ANAPC10: variants seen among roughly 807,000 people sequenced by gnomAD.
ANAPC10 encodes anaphase-promoting complex subunit 10.
In ANAPC10, 12 loss-of-function variants were observed where a neutral mutation model predicts 22.0. That is an observed-to-expected ratio of 0.55 (90% CI 0.35 to 0.88). The LOEUF (loss-of-function observed/expected upper bound fraction) is 0.88, where lower values mean the gene tolerates loss of function less well. Among genes scored for constraint, ANAPC10 ranks in the 40% least tolerant of loss-of-function variants. The pLI, the probability that ANAPC10 is intolerant of heterozygous loss-of-function variation, is 0.01. For synonymous variants in ANAPC10, 65 were observed against 69.5 expected, an observed-to-expected ratio of 0.94 and a Z score of 0.32; for missense variants, 188 against 220.9, an observed-to-expected ratio of 0.85 and a Z score of 0.94.
chr4:145,058,951 A>C (rs1742474043), intron 4 of ANAPC10, among the ~76,000 whole-genome samples: 2 of 152,302 alleles, frequency 1.3e-5, no homozygotes, highest in Non-Finnish European at 2.9e-5. Context: ...ATGACTTCAA[A>C]GATGAACTAA....
chr4:145,026,945 A>ATATT (rs1287102797), intron 4 of ANAPC10, among the ~76,000 whole-genome samples: 1 of 17,138 alleles, frequency 5.8e-5, no homozygotes, highest in Non-Finnish European at 1.2e-4. Context: ...ATATATATAT[A>ATATT]TGTGTGTGTG....
chr4:145,012,006 C>T (rs1423641227), intron 4 of ANAPC10, among the ~76,000 whole-genome samples: 1 of 152,066 alleles, frequency 6.6e-6, no homozygotes, highest in Non-Finnish European at 1.5e-5. Flanking sequence ...GCAGCTTCCA[C>T]TGCAAAGCAG....
intron 4 of ANAPC10, among the ~76,000 whole-genome samples, chr4:144,998,290 A>ACC (rs1457836488): frequency 6.6e-6 from 1 of 152,216 alleles, no homozygotes; most frequent in African/African-American, 2.4e-5. Flanking sequence ...ACTTATCAGC[A>ACC]CCACATTGCA....
intron 4 of ANAPC10, among the ~76,000 whole-genome samples, chr4:145,016,505 T>C (rs1735166876): frequency 1.3e-5 from 2 of 152,234 alleles, no homozygotes; most frequent in African/African-American, 2.4e-5. Context: ...TCCATGCTCA[T>C]GGATAGGAAG....
rs1746973057 is a variant in ANAPC10 at position 145,086,839 on chromosome 4, G to A, written c.116-5089C>T. 6.0e-5 allele frequency among the ~76,000 whole-genome samples: 9 copies of A among 149,788 alleles called. No homozygotes were observed. The South Asian group carries it at 1.9e-3, about 31-fold the overall frequency. On this transcript the variant is annotated intron_variant, in intron 2 of 4. Coordinates refer to ENST00000507656, the MANE Select transcript of ANAPC10 (RefSeq NM_001256706.2). ...AGACTTTGTACCCTGGAGGGTAAAA[G>A]CATCCCCTGGTGAGAGCAACTGCCC... is the stretch of plus-strand genomic sequence containing the variant.
At chr4:145,016,741 C>A (rs1037870167) in intron 4 of ANAPC10, among the ~76,000 whole-genome samples, 19 of 152,168 alleles carry the variant, frequency 1.2e-4, no homozygotes, top group Admixed American at 6.5e-5. Flanking sequence ...CTACAGTAAC[C>A]AAAACAGCAT....
rs113689078 is a variant in ANAPC10 at position 145,082,243 on chromosome 4, G to A, written c.116-493C>T. Among the ~76,000 whole-genome samples the A allele has an allele frequency of 6.6e-4, 101 of 152,282 alleles. 3 individuals carry two copies. In the Middle Eastern group the frequency reaches 0.014, roughly 21 times the overall value. ...CGGCTCATTGCAACCTCCGCCTCCC[G>A]GATTCAAGCGATTCTCCTGCCTCAG... On this transcript the variant is annotated intron_variant, in intron 2 of 4. Coordinates refer to ENST00000507656, the MANE Select transcript of ANAPC10 (RefSeq NM_001256706.2).
chr4:145,046,735 C>T (rs1740361985), intron 4 of ANAPC10, among the ~76,000 whole-genome samples: 1 of 152,030 alleles, frequency 6.6e-6, no homozygotes, highest in East Asian at 1.9e-4. Context: ...ATAGGTTGTT[C>T]TCTCTGTCCA....
intron 4 of ANAPC10, among the ~76,000 whole-genome samples, chr4:145,039,593 T>A (rs770524321): frequency 1.3e-5 from 2 of 151,920 alleles, no homozygotes; most frequent in Non-Finnish European, 2.9e-5. Context: ...CCCTATGAGG[T>A]ATACTCTTTT....
At chr4:145,033,434 C>G (rs1481768131) in intron 4 of ANAPC10, 2 of 152,252 alleles carry the variant, frequency 1.3e-5, no homozygotes, top group South Asian at 2.1e-4. Flanking sequence ...ACACTTTGGG[C>G]TCCTCTTACC....
At chr4:145,068,844 AGGTT>A (rs1425728304) in intron 3 of ANAPC10, among the ~76,000 whole-genome samples, 1 of 152,178 alleles carries the variant, frequency 6.6e-6, no homozygotes, top group Non-Finnish European at 1.5e-5. Flanking sequence ...CAGGAGGTGG[AGGTT>A]GCTGTGAGCC....
chr4:145,029,143 G>A (rs540620172), intron 4 of ANAPC10, among the ~76,000 whole-genome samples: 1 of 152,226 alleles, frequency 6.6e-6, no homozygotes, highest in South Asian at 2.1e-4. Context: ...TGATGAAGCT[G>A]GGGACACTGA....
At chr4:145,093,445 A>T (rs540205161) in intron 2 of ANAPC10, among the ~76,000 whole-genome samples, 148 of 152,230 alleles carry the variant, frequency 9.7e-4, no homozygotes, top group African/African-American at 3.3e-3. Context: ...CACTCAATAA[A>T]AAAAAAAGAC....
intron 3 of ANAPC10, among the ~76,000 whole-genome samples, chr4:145,080,776 G>A (rs1173433403): frequency 2.6e-5 from 4 of 151,760 alleles, no homozygotes; most frequent in African/African-American, 9.7e-5. Flanking sequence ...GCGTGGTGGC[G>A]CATGCCTGTA....
intron 4 of ANAPC10, among the ~76,000 whole-genome samples, chr4:145,033,608 A>T (rs1282664852): frequency 6.6e-6 from 1 of 152,224 alleles, no homozygotes; most frequent in Non-Finnish European, 1.5e-5. Flanking sequence ...ATGCCCTGTG[A>T]TTAAGGTCAA....
chr4:145,091,186 A>G (rs893318269), intron 2 of ANAPC10, among the ~76,000 whole-genome samples: 6 of 152,154 alleles, frequency 3.9e-5, no homozygotes, highest in African/African-American at 1.4e-4. Flanking sequence ...GTAACTATTG[A>G]TCTCTTCTGC....
At chr4:145,023,872 T>C (rs368583128) in intron 4 of ANAPC10, among the ~76,000 whole-genome samples, 1 of 152,176 alleles carries the variant, frequency 6.6e-6, no homozygotes, top group Admixed American at 6.6e-5. Flanking sequence ...CTTCCTTTCA[T>C]GGAAAATTCA....
intron 4 of ANAPC10, among the ~76,000 whole-genome samples, chr4:145,033,985 G>A (rs1738033572): frequency 6.6e-6 from 1 of 152,156 alleles, no homozygotes; most frequent in Admixed American, 6.5e-5. Context: ...CTTCATGTAT[G>A]TACTAGTATT....
At chr4:145,019,162 G>A (rs893533649) in intron 4 of ANAPC10, among the ~76,000 whole-genome samples, 19 of 152,124 alleles carry the variant, frequency 1.2e-4, no homozygotes, top group East Asian at 9.7e-4. Flanking sequence ...ATTCAATAGC[G>A]CATGGGACTT....
Sources: allele counts gnomAD v4.1 joint callset (sites outside exome capture counted in the v4.1 genomes callset), GRCh38; gene constraint gnomAD v4.1.1; transcripts MANE v1.5; gene names NCBI Gene and HGNC (gene_info 2026-07-23, HGNC 2026-07-21).